ABCA3: variants seen among roughly 807,000 people sequenced by gnomAD.
The protein encoded by ABCA3 is phospholipid-transporting ATPase ABCA3.
A neutral mutation model predicts 172.8 loss-of-function variants in ABCA3; 88 were observed. The observed-to-expected ratio is 0.51, with a 90% CI of 0.43 to 0.61. The LOEUF (loss-of-function observed/expected upper bound fraction) is 0.61, where lower values mean the gene tolerates loss of function less well. Ranked by LOEUF, ABCA3 falls within the 20% of genes least tolerant of loss-of-function variation. ABCA3 has a pLI of 0.00. For synonymous variants in ABCA3, 1,066 were observed against 983.8 expected, an observed-to-expected ratio of 1.08 and a Z score of -1.56; for missense variants, 2,164 against 2,301.0, an observed-to-expected ratio of 0.94 and a Z score of 1.22.
intron 28 of ABCA3, among the ~76,000 whole-genome samples, chr16:2,280,804 G>C (rs926064685): frequency 2.6e-5 from 4 of 152,160 alleles, no homozygotes; most frequent in Non-Finnish European, 5.9e-5. Context: ...TGGGCTCACG[G>C]ATGTTGGCAC....
intron 5 of ABCA3, among the ~76,000 whole-genome samples, chr16:2,325,338 G>A (rs2093732577): frequency 1.3e-5 from 2 of 152,162 alleles, no homozygotes; most frequent in South Asian, 2.1e-4. Flanking sequence ...CCAGGGCCTG[G>A]TACTGCTAAG....
chr16:2,329,395 A>G (rs1356211518), intron 2 of ABCA3, among the ~76,000 whole-genome samples: 1 of 152,050 alleles, frequency 6.6e-6, no homozygotes, highest in Admixed American at 6.6e-5. Context: ...GGGGAAGTAC[A>G]CTCCAGATGG....
intron 7 of ABCA3, chr16:2,323,212 G>A (rs1291383157): frequency 3.4e-5 from 16 of 465,960 alleles, no homozygotes; most frequent in Non-Finnish European, 4.7e-5. Context: ...TGGTGGGACT[G>A]TAAACTAGTT....
Position 2,299,547 on chromosome 16 carries a change from G to A in ABCA3, c.1612-15C>T, listed in dbSNP as rs771449539. The A allele has an allele frequency of 2.5e-6, 4 of 1,612,224 alleles. No individual in the cohort carries two copies. In the African/African-American group the frequency reaches 5.3e-5, roughly 22 times the overall value. On this transcript the variant is annotated splice_polypyrimidine_tract_variant and intron_variant, in intron 13 of 32. Coordinates refer to ENST00000301732, the MANE Select transcript of ABCA3 (RefSeq NM_001089.3). The stretch of plus-strand genomic sequence containing the variant: ...ACCCTGAACACCTGCAGGAAAGGCA[G>A]AGGCTGCCCTGGGCTACCCACAGCC...
At chr16:2,326,556 G>A in intron 3 of ABCA3, 64 bp from the exon 4 acceptor site, 1 of 1,520,806 alleles carries the variant, frequency 6.6e-7, no homozygotes, top group Non-Finnish European at 8.9e-7. Context: ...TGGGGATTTG[G>A]GGAAAAGCCA....
rs886051835 is a variant in ABCA3, at chr16:2,328,751, C to T, written c.-325G>A. ...TCAGGTTCAGTTGCTCAGCTCCACA[C>T]TCATGGCTGATCCAAACCCAACATC... On this transcript the variant is annotated 5_prime_UTR_variant, in exon 3 of 33. In the 5' UTR this introduces an upstream ATG that the reference lacks. Transcript: ENST00000301732. 3.2e-6 allele frequency: 1 copy of T among 310,594 alleles called. No individual in the cohort carries two copies. Among genetic ancestry groups the T allele is most frequent in the Non-Finnish European group, 6.6e-6 (1 of 152,044 alleles). 19.2% of individuals were successfully genotyped at this position (310,594 alleles called of 1,614,324 possible).
At chr16:2,333,561 G>A (rs776620573) in intron 1 of ABCA3, among the ~76,000 whole-genome samples, 6 of 152,160 alleles carry the variant, frequency 3.9e-5, no homozygotes, top group East Asian at 3.8e-4. Flanking sequence ...AATGGAGGCC[G>A]GTAGAATCCA....
In ABCA3 at chr16:2,284,592, G is replaced by A. The variant is rs1054604354; in HGVS notation, c.3704-155C>T. Among the ~76,000 whole-genome samples the A allele has an allele frequency of 6.6e-6, 1 of 152,198 alleles. No individual in the cohort carries two copies. The highest frequency in any genetic ancestry group is 1.5e-5 in the Non-Finnish European group (1 of 68,034). On this transcript the variant is annotated intron_variant, in intron 24 of 32. Transcript: ENST00000301732. This position sits in a 1 kb window ranked among gnomAD's most constrained non-coding sequence, Gnocchi z 5.9. ...CCCCTGCCGGCTCTGCACAGGGCAA[G>A]GACGCCGCAGACGCCTGCCCACCAG...
At chr16:2,299,172 C>T (rs1596844542) in intron 14 of ABCA3, among the ~76,000 whole-genome samples, 1 of 147,142 alleles carries the variant, frequency 6.8e-6, no homozygotes, top group Admixed American at 6.7e-5. Context: ...CGGACAGAGG[C>T]GGTGAGGAGG....
intron 7 of ABCA3, 36 bp from the exon 8 acceptor site, chr16:2,319,876 G>C (rs761227656): frequency 1.2e-6 from 2 of 1,611,548 alleles, no homozygotes; most frequent in African/African-American, 1.3e-5. Flanking sequence ...CAGCCACCTC[G>C]AGGAGCTGCT....
At chr16:2,336,266 T>C (rs1056492931) in intron 1 of ABCA3, among the ~76,000 whole-genome samples, 3 of 152,184 alleles carry the variant, frequency 2.0e-5, no homozygotes, top group Non-Finnish European at 2.9e-5. Flanking sequence ...CCTACCCTGA[T>C]AGCCCCTGAA....
chr16:2,288,491 C>T (rs1047726886), intron 20 of ABCA3, among the ~76,000 whole-genome samples, 162 bp from the exon 21 acceptor site: 1 of 152,208 alleles, frequency 6.6e-6, no homozygotes, highest in Non-Finnish European at 1.5e-5. Flanking sequence ...GTGGGAGGAG[C>T]TCAGTGCACC....
chr16:2,291,056 G>A (rs1478288179), intron 19 of ABCA3, among the ~76,000 whole-genome samples: 2 of 152,104 alleles, frequency 1.3e-5, no homozygotes, highest in African/African-American at 4.8e-5. Context: ...TTTTAGTAGA[G>A]ATGGTGGCTG....
rs34994813 is a variant in ABCA3, at chr16:2,286,860, C to A, written c.3112G>T (p.Val1038Phe). ...SFRDVGERTV[V>F]NALFNNQAYH... ...GCCTGGTTGTTGAACAAGGCGTTGA[C>A]GACCGTGCGCTCTCCCACATCTCTG... The change falls in exon 22 of 33, where the codon GTC (valine) becomes TTC (phenylalanine). Residue 1038 changes from valine to phenylalanine, a missense_variant. Physicochemically the swap from Val to Phe is conservative, Grantham distance 50. Coordinates refer to ENST00000301732, the MANE Select transcript of ABCA3 (RefSeq NM_001089.3). The surrounding 1 kb of genome is among the most constrained non-coding windows in gnomAD (Gnocchi z 5.2). 1 of 1,614,072 alleles carries A rather than the reference C, an allele frequency of 6.2e-7. No individual in the cohort carries two copies. The highest frequency in any genetic ancestry group is 8.5e-7 in the Non-Finnish European group (1 of 1,180,020).
intron 10 of ABCA3, among the ~76,000 whole-genome samples, chr16:2,316,308 CA>C (rs1177840434): frequency 0.28 from 10,406 of 37,414 alleles, 599 homozygotes; most frequent in East Asian, 0.49. Flanking sequence ...GAGGCAGTCT[CA>C]AAAAAAAAAA....
rs149808995 is a variant in ABCA3, at chr16:2,298,517, G to A, written c.1765C>T (p.Arg589Trp). 8.4e-5 allele frequency: 135 copies of A among 1,613,706 alleles called. No homozygotes were observed. The highest frequency in any genetic ancestry group is 6.7e-4 in the Middle Eastern group (4 of 6,010). Residue 589 changes from arginine to tryptophan, a missense_variant, in exon 15 of 33, where the codon CGG (arginine) becomes TGG (tryptophan). By Grantham distance (101) the Arg-to-Trp change is moderately radical. Around this residue, in one of 3 missense-constraint regions of ABCA3, gnomAD observed 1,343 missense variants for 1,369.6 expected, o/e 0.98. Transcript: ENST00000301732. Reference sequence around the variant, plus strand: ...ATTTCATACCCGCTGATGTATGCCCGTCCACTGGTGGGGGGAAAGAGACCT... The same window carrying A: ...ATTTCATACCCGCTGATGTATGCCCATCCACTGGTGGGGGGAAAGAGACCT... The part of the protein sequence containing the change: ...LTGLFPPTSG[R>W]AYISGYEISQ...
At chr16:2,330,922 C>T (rs1428824141) in intron 1 of ABCA3, among the ~76,000 whole-genome samples, 1 of 151,890 alleles carries the variant, frequency 6.6e-6, no homozygotes, top group Non-Finnish European at 1.5e-5. Flanking sequence ...AGGATGGTCT[C>T]GATCTCCTGA....
chr16:2,286,870 C>T lies in ABCA3; in HGVS notation c.3102G>A (p.Glu1034=). ...TGAACAAGGCGTTGACGACCGTGCG[C>T]TCTCCCACATCTCTGAAGGACGCTG... ...LVAASFRDVG[E]RTVVNALFNN... The change falls in exon 22 of 33, where the codon GAG becomes GAA. Residue 1034 remains glutamate (E), a synonymous_variant. Transcript: ENST00000301732. The surrounding 1 kb of genome is among the most constrained non-coding windows in gnomAD (Gnocchi z 5.2). 6.2e-7 allele frequency: 1 copy of T among 1,614,102 alleles called. No homozygotes were observed. Among genetic ancestry groups the T allele is most frequent in the South Asian group, 1.1e-5 (1 of 91,080 alleles).
intron 10 of ABCA3, among the ~76,000 whole-genome samples, chr16:2,316,453 TG>T (rs1177864149): frequency 8.0e-6 from 1 of 124,242 alleles, no homozygotes; most frequent in Non-Finnish European, 1.6e-5. Context: ...AAGACCAGCC[TG>T]GACAACATGG....
Sources: allele counts gnomAD v4.1 joint callset (sites outside exome capture counted in the v4.1 genomes callset), GRCh38; gene constraint gnomAD v4.1.1; regional missense constraint gnomAD v4.1.1; non-coding constraint Gnocchi (gnomAD v3.1); transcripts MANE v1.5; gene names NCBI Gene and HGNC (gene_info 2026-07-23, HGNC 2026-07-21).